SDK1: variants seen among roughly 807,000 people sequenced by gnomAD.
SDK1 encodes protein sidekick-1.
In SDK1, 157 loss-of-function variants were observed where a neutral mutation model predicts 245.5. That is an observed-to-expected ratio of 0.64 (90% CI 0.56 to 0.73). The LOEUF is 0.73. SDK1 is among the 30% of genes least tolerant of loss of function. The pLI is 0.00. For synonymous variants in SDK1, 1,647 were observed against 1,278.5 expected, an observed-to-expected ratio of 1.29 and a Z score of -6.15; for missense variants, 3,583 against 3,002.3, an observed-to-expected ratio of 1.19 and a Z score of -4.52.
At chr7:4,194,049 G>A (rs1206497317) in intron 35 of SDK1, among the ~76,000 whole-genome samples, 1 of 151,990 alleles carries the variant, frequency 6.6e-6, no homozygotes, top group African/African-American at 2.4e-5. Flanking sequence ...AGCATTTTTG[G>A]ATCTAATCAT....
intron 8 of SDK1, 127 bp from the exon 9 acceptor site, chr7:3,962,530 T>C: frequency 1.2e-6 from 1 of 835,884 alleles, no homozygotes; most frequent in Non-Finnish European, 1.8e-6. Context: ...TATAGGGTGG[T>C]TGAAAGCACG....
intron 14 of SDK1, among the ~76,000 whole-genome samples, chr7:3,994,667 C>T (rs1156859430): frequency 6.7e-6 from 1 of 149,706 alleles, no homozygotes; most frequent in Non-Finnish European, 1.5e-5. Flanking sequence ...AAGAGAAAAA[C>T]ATAATGTAAT....
intron 20 of SDK1, among the ~76,000 whole-genome samples, chr7:4,072,805 G>A (rs943424275): frequency 6.6e-6 from 1 of 152,192 alleles, no homozygotes; most frequent in Non-Finnish European, 1.5e-5. Flanking sequence ...TGTTGGAAAC[G>A]TAGGTTTATT....
At chr7:3,398,775 T>G (rs1396532547) in intron 1 of SDK1, among the ~76,000 whole-genome samples, 2 of 151,330 alleles carry the variant, frequency 1.3e-5, no homozygotes, top group African/African-American at 4.9e-5. Flanking sequence ...GTAGTTTTTT[T>G]TTTTTTTTTT....
intron 5 of SDK1, among the ~76,000 whole-genome samples, chr7:3,824,666 T>G (rs941020825): frequency 6.6e-6 from 1 of 152,198 alleles, no homozygotes; most frequent in Non-Finnish European, 1.5e-5. Flanking sequence ...TACATTTTCA[T>G]CAACAACCTT....
intron 13 of SDK1, 184 bp downstream of exon 13, chr7:3,974,729 T>G (rs185602594): frequency 6.2e-5 from 34 of 546,194 alleles, no homozygotes; most frequent in African/African-American, 6.1e-4. Flanking sequence ...TCTTTCAACT[T>G]CGGAATTGAG....
intron 4 of SDK1, among the ~76,000 whole-genome samples, chr7:3,799,944 C>G (rs760905507): frequency 6.6e-6 from 1 of 151,988 alleles, no homozygotes; most frequent in Non-Finnish European, 1.5e-5. Context: ...AGTTTTGGGT[C>G]CTTGTCTCCA....
At chr7:4,177,290 G>A (rs1782274433) in intron 34 of SDK1, among the ~76,000 whole-genome samples, 1 of 152,202 alleles carries the variant, frequency 6.6e-6, no homozygotes, top group African/African-American at 2.4e-5. Flanking sequence ...ACAGGTGCCA[G>A]GCACACACAT....
chr7:4,268,462 C>G lies in SDK1; in HGVS notation c.*3078C>G, dbSNP rs1562500301. On this transcript the variant is annotated 3_prime_UTR_variant, in exon 45 of 45. Transcript: ENST00000404826. ...TCCCAGCCTGCTTTTATAAGGCGCA[C>G]TTCACTCAATGCTGTAGCCAAAAAA... 5 of 1,152,342 alleles carry G rather than the reference C, an allele frequency of 4.3e-6. No individual in the cohort carries two copies. The highest frequency in any genetic ancestry group is 5.4e-6 in the Non-Finnish European group (5 of 920,734). 71.4% of individuals were successfully genotyped at this position (1,152,342 alleles called of 1,614,324 possible).
At chr7:3,879,678 C>T (rs115950254) in intron 5 of SDK1, among the ~76,000 whole-genome samples, 52 of 152,308 alleles carry the variant, frequency 3.4e-4, no homozygotes, top group Middle Eastern at 3.4e-3. Flanking sequence ...TTTGCATTAT[C>T]TTTCTTTTTG....
At chr7:4,204,297 G>GT (rs775446477) in intron 35 of SDK1, among the ~76,000 whole-genome samples, 3 of 152,158 alleles carry the variant, frequency 2.0e-5, no homozygotes, top group Non-Finnish European at 2.9e-5. Context: ...TGATTGAATT[G>GT]TTTTTTTGTG....
chr7:3,365,079 A>G (rs1781054114), intron 1 of SDK1, among the ~76,000 whole-genome samples: 1 of 152,194 alleles, frequency 6.6e-6, no homozygotes, highest in Non-Finnish European at 1.5e-5. Flanking sequence ...CTGCTAGCAT[A>G]TAGGAGTTTT....
chr7:3,639,439 T>C (rs1782576712), intron 3 of SDK1, among the ~76,000 whole-genome samples: 1 of 152,218 alleles, frequency 6.6e-6, no homozygotes, highest in Non-Finnish European at 1.5e-5. Flanking sequence ...AAAATGTTTT[T>C]AAAGTATAAA....
chr7:3,318,020 C>G (rs912547216), intron 1 of SDK1, among the ~76,000 whole-genome samples: 11 of 152,154 alleles, frequency 7.2e-5, no homozygotes, highest in Non-Finnish European at 1.2e-4. Context: ...GAGGCTATCA[C>G]TGTTTCCAGT....
intron 1 of SDK1, among the ~76,000 whole-genome samples, chr7:3,552,099 C>T (rs998050058): frequency 4.0e-5 from 6 of 151,662 alleles, no homozygotes; most frequent in African/African-American, 1.5e-4. Context: ...AGTGCGGTGG[C>T]GCAATCTTGG....
In SDK1 at chr7:3,577,103, T is replaced by A. The variant is rs865846186; in HGVS notation, c.299-41977T>A. On this transcript the variant is annotated intron_variant, in intron 1 of 44. Coordinates refer to ENST00000404826, the MANE Select transcript of SDK1 (RefSeq NM_152744.4). Reference sequence around the variant, plus strand: ...CACACATCCTCCTGGAGCCTGGCCATACTGGAAGATTTCGCCTGCCTCTGG... The same window carrying A: ...CACACATCCTCCTGGAGCCTGGCCAAACTGGAAGATTTCGCCTGCCTCTGG... 1.1e-3 allele frequency among the ~76,000 whole-genome samples: 171 copies of A among 152,048 alleles called. 2 individuals carry two copies. The highest frequency in any genetic ancestry group is 3.9e-3 in the African/African-American group (163 of 41,514).
At chr7:3,582,705 AAAAAG>A (rs1269637598) in intron 1 of SDK1, among the ~76,000 whole-genome samples, 1 of 148,816 alleles carries the variant, frequency 6.7e-6, no homozygotes, top group South Asian at 2.1e-4. Flanking sequence ...AAAAAAAAAA[AAAAAG>A]GTACCATCAG....
At chr7:3,391,624 C>T (rs1246378960) in intron 1 of SDK1, among the ~76,000 whole-genome samples, 4 of 147,964 alleles carry the variant, frequency 2.7e-5, no homozygotes, top group African/African-American at 7.6e-5. Context: ...ATACATGTAT[C>T]CTGTTAACTG....
chr7:3,833,097 C>T (rs1779949100), intron 5 of SDK1, among the ~76,000 whole-genome samples: 2 of 152,040 alleles, frequency 1.3e-5, no homozygotes. Flanking sequence ...AAGGCTATAA[C>T]GGTTTTGTGG....
Sources: gnomAD v4.1 joint callset for allele counts (sites outside exome capture counted in the v4.1 genomes callset) on GRCh38, gnomAD v4.1.1 for gene constraint, MANE v1.5 for transcripts, NCBI Gene and HGNC (gene_info 2026-07-23, HGNC 2026-07-21) for gene names.